The following HHLA2 variants were observed in gnomAD, a reference collection of about 807,000 sequenced individuals.
The protein encoded by HHLA2 is HHLA2 member of B7 family, also known as HERV-H LTR-associating protein 2.
HHLA2 carries 48 observed loss-of-function variants against 45.9 expected under a neutral mutation model. That is an observed-to-expected ratio of 1.05 (90% CI 0.83 to 1.33). The LOEUF (loss-of-function observed/expected upper bound fraction) is 1.33. Ranked by LOEUF, HHLA2 falls within the 40% of genes most tolerant of loss-of-function variation. HHLA2 has a pLI of 0.00. For synonymous variants in HHLA2, 161 were observed against 173.9 expected (o/e 0.93, Z 0.59); for missense variants, 462 against 494.3 (o/e 0.93, Z 0.62).
intron 8 of HHLA2, among the ~76,000 whole-genome samples, chr3:108,365,212 T>A (rs2082044541): frequency 6.6e-6 from 1 of 152,250 alleles, no homozygotes. Flanking sequence ...ATTTTCTGCA[T>A]ATGGCTAGCA....
chr3:108,321,091 T>TAAAAAAAAAAAAAAAGAAAAAAAAA (rs2081191907), intron 2 of HHLA2, among the ~76,000 whole-genome samples: 1 of 101,428 alleles, frequency 9.9e-6, no homozygotes, highest in African/African-American at 3.6e-5. Flanking sequence ...TCCAGGTGTT[T>TAAAAAAAAAAAAAAAGAAAAAAAAA]AAAAAAAAAA....
At chr3:108,315,837 A>G (rs778530573) in intron 2 of HHLA2, among the ~76,000 whole-genome samples, 4 of 152,230 alleles carry the variant, frequency 2.6e-5, no homozygotes, top group Non-Finnish European at 5.9e-5. Flanking sequence ...TGGCCCTTAA[A>G]GCTACCTCCT....
intron 2 of HHLA2, among the ~76,000 whole-genome samples, chr3:108,321,284 C>T (rs577751823): frequency 6.6e-6 from 1 of 152,116 alleles, no homozygotes; most frequent in Non-Finnish European, 1.5e-5. Flanking sequence ...TTCTGTATCA[C>T]GTTGTCGTCT....
chr3:108,345,018 T>G (rs1268160602), intron 3 of HHLA2, among the ~76,000 whole-genome samples: 3 of 152,178 alleles, frequency 2.0e-5, no homozygotes, highest in African/African-American at 7.2e-5. Flanking sequence ...CCTATTCAAG[T>G]GCTTCATCCT....
chr3:108,316,056 A>G (rs1205326055), intron 2 of HHLA2, among the ~76,000 whole-genome samples: 1 of 151,930 alleles, frequency 6.6e-6, no homozygotes, highest in Non-Finnish European at 1.5e-5. Context: ...GAAATTTGAA[A>G]CAGCTTAGAA....
chr3:108,315,165 G>A, intron 2 of HHLA2, among the ~76,000 whole-genome samples: 1 of 152,126 alleles, frequency 6.6e-6, no homozygotes, highest in Non-Finnish European at 1.5e-5. Context: ...GTGTGCCAGG[G>A]GTGCATCCTC....
intron 1 of HHLA2, among the ~76,000 whole-genome samples, chr3:108,298,690 T>C (rs2080802565): frequency 6.6e-6 from 1 of 152,250 alleles, no homozygotes; most frequent in African/African-American, 2.4e-5. Flanking sequence ...TAACTGCAGA[T>C]TCAGATTTTT....
At chr3:108,307,820 T>A (rs1341802211) in intron 1 of HHLA2, among the ~76,000 whole-genome samples, 1 of 152,132 alleles carries the variant, frequency 6.6e-6, no homozygotes, top group Non-Finnish European at 1.5e-5. Context: ...CAGGATCCAA[T>A]CCAGAATACC....
At chr3:108,339,153 T>C (rs1002760431) in intron 3 of HHLA2, among the ~76,000 whole-genome samples, 2 of 152,234 alleles carry the variant, frequency 1.3e-5, no homozygotes, top group Non-Finnish European at 2.9e-5. Context: ...ACAGTAGTTA[T>C]GACTATAAAA....
rs756686358 is a variant in HHLA2, at chr3:108,357,861, C to T, written c.703C>T (p.Gln235Ter). 1.2e-6 allele frequency: 2 copies of T among 1,605,276 alleles called. No individual in the cohort carries two copies. Among genetic ancestry groups the T allele is most frequent in the Non-Finnish European group, 1.7e-6 (2 of 1,174,428 alleles). Residue 235 changes from glutamine (Q) to a stop codon, truncating the protein, a stop_gained, in exon 7 of 11, where the codon CAA becomes TAA. Coordinates refer to ENST00000619531, the Ensembl canonical transcript of HHLA2. LOFTEE classifies it high-confidence loss of function. The stretch of plus-strand genomic sequence containing the variant: ...GTTGTTAGATGGCCTTCATAAAATG[C>T]AAAGTGAACACGTTTCACTCTCATG...
chr3:108,369,387 G>A (rs887423711), intron 8 of HHLA2, among the ~76,000 whole-genome samples: 5 of 152,162 alleles, frequency 3.3e-5, no homozygotes, highest in East Asian at 1.9e-4. Context: ...CAGCGTGAGC[G>A]ACGCAGAAGA....
chr3:108,370,489 C>G (rs1340276234), intron 8 of HHLA2, among the ~76,000 whole-genome samples: 2 of 152,032 alleles, frequency 1.3e-5, no homozygotes, highest in Admixed American at 1.3e-4. Context: ...ATGACTTTGA[C>G]GAGTTGAGAG....
intron 5 of HHLA2, among the ~76,000 whole-genome samples, chr3:108,354,306 T>C (rs965000309): frequency 7.2e-5 from 11 of 151,920 alleles, no homozygotes; most frequent in African/African-American, 2.7e-4. Context: ...ATACATACAG[T>C]TATATACAGT....
chr3:108,328,211 A>C (rs771191398), intron 2 of HHLA2: 53 of 734,760 alleles, frequency 7.2e-5, no homozygotes, highest in Non-Finnish European at 1.0e-4. Context: ...TTTTTATTTT[A>C]CTGGTCATCT....
At chr3:108,342,076 A>G (rs1272628681) in intron 3 of HHLA2, among the ~76,000 whole-genome samples, 1 of 152,160 alleles carries the variant, frequency 6.6e-6, no homozygotes, top group Non-Finnish European at 1.5e-5. Context: ...CAATAGAGGC[A>G]GTCGCGTCCT....
rs539744203 is a variant in HHLA2, at chr3:108,306,401, G to A, written c.-191-4254G>A. Among the ~76,000 whole-genome samples, 9 of 152,168 alleles carry A rather than the reference G, an allele frequency of 5.9e-5. No homozygotes were observed. The South Asian group carries it at 1.7e-3, about 28-fold the overall frequency. ...TCCTGAGTGAAATAGATTATCTTCT[G>A]TCCTCATACAGTCTTTTCCTGGGTT... On this transcript the variant is annotated intron_variant, in intron 1 of 10. Transcript: ENST00000619531.
intron 8 of HHLA2, among the ~76,000 whole-genome samples, chr3:108,374,077 C>T (rs75295072): frequency 6.6e-6 from 1 of 150,614 alleles, no homozygotes; most frequent in Non-Finnish European, 1.5e-5. Context: ...GACTTCAAAC[C>T]ATACTACAAG....
rs570240991 is a variant in HHLA2 at position 108,297,028 on chromosome 3, A to AT, written c.-192+429_-192+430insT. On this transcript the variant is annotated intron_variant, in intron 1 of 10. Transcript: ENST00000619531. ...CTGCGTTCCATTCTGTGGTGGAAAC[A>AT]AAAGGACCGTAGTAGTGGTTATCTA... Among the ~76,000 whole-genome samples the AT allele has an allele frequency of 2.0e-5, 3 of 152,362 alleles. No homozygotes were observed. The South Asian group carries it at 6.2e-4, about 32-fold the overall frequency.
intron 3 of HHLA2, among the ~76,000 whole-genome samples, chr3:108,335,085 C>T (rs1276632615): frequency 6.6e-6 from 1 of 152,124 alleles, no homozygotes; most frequent in Non-Finnish European, 1.5e-5. Flanking sequence ...GGCTTTGCTC[C>T]CTTTAGCAAG....
Sources: allele counts gnomAD v4.1 joint callset (sites outside exome capture counted in the v4.1 genomes callset), GRCh38; gene constraint gnomAD v4.1.1; transcripts MANE v1.5; gene names NCBI Gene and HGNC (gene_info 2026-07-23, HGNC 2026-07-21).